DTNA: variants seen among roughly 807,000 people sequenced by gnomAD.
The protein encoded by DTNA is dystrophin-related protein 3.
In DTNA, 43 loss-of-function variants were observed where a neutral mutation model predicts 100.7. The ratio of observed to expected loss-of-function variants is 0.43; its 90% CI spans 0.33 to 0.55. The LOEUF is 0.55. Among genes scored for constraint, DTNA ranks in the 20% least tolerant of loss-of-function variants. DTNA has a pLI of 0.04. For synonymous variants in DTNA, 349 were observed against 347.9 expected (o/e 1.00, Z -0.04); for missense variants, 798 against 953.9 (o/e 0.84, Z 2.15).
intron 22 of DTNA, 74 bp from the exon 23 acceptor site, chr18:34,887,692 G>T (rs533694464): frequency 2.7e-5 from 26 of 980,140 alleles, no homozygotes; most frequent in Admixed American, 6.1e-5. Context: ...GGAAAGGGGG[G>T]ATCCTAAGTT....
At chr18:34,519,058 G>T (rs1018642866) in intron 1 of DTNA, among the ~76,000 whole-genome samples, 10 of 151,930 alleles carry the variant, frequency 6.6e-5, no homozygotes, top group African/African-American at 9.7e-5. Flanking sequence ...TTAGTGAGAA[G>T]GAAGAGTCAA....
chr18:34,765,290 GT>G (rs936340583), intron 2 of DTNA, among the ~76,000 whole-genome samples: 6 of 152,262 alleles, frequency 3.9e-5, no homozygotes, highest in African/African-American at 1.4e-4. Context: ...AAGAAAGGTT[GT>G]TTTAGAAAGG....
At chr18:34,629,192 A>T (rs1218561740) in intron 1 of DTNA, among the ~76,000 whole-genome samples, 1 of 152,166 alleles carries the variant, frequency 6.6e-6, no homozygotes, top group Non-Finnish European at 1.5e-5. Flanking sequence ...CAATTAAAAC[A>T]CAAAAAAGCT....
rs148901335 is a variant in DTNA, at chr18:34,757,936, C to T, written c.67+1893C>T. ...TGTTGGCAAAAACAGCTAAATACGT[C>T]TGACCTTAATAATTCATTAGTTTGA... is the stretch of plus-strand genomic sequence containing the variant. On this transcript the variant is annotated intron_variant, in intron 2 of 22. Transcript: ENST00000444659. Among the ~76,000 whole-genome samples, 1,453 of 152,324 alleles carry T rather than the reference C, an allele frequency of 9.5e-3. 14 individuals are homozygous for T. The highest frequency in any genetic ancestry group is 0.016 in the Non-Finnish European group (1,055 of 68,034).
intron 1 of DTNA, among the ~76,000 whole-genome samples, chr18:34,646,801 C>T (rs905454703): frequency 1.3e-5 from 2 of 151,948 alleles, no homozygotes; most frequent in South Asian, 2.1e-4. Flanking sequence ...CTGCAACCTC[C>T]GCCTCCCGGA....
chr18:34,517,602 C>T (rs2041773514), intron 1 of DTNA, among the ~76,000 whole-genome samples: 1 of 151,808 alleles, frequency 6.6e-6, no homozygotes, highest in South Asian at 2.1e-4. Context: ...ATTTCTCTTC[C>T]CCTCTCCATC....
chr18:34,863,915 T>A, intron 16 of DTNA, 51 bp from the exon 17 acceptor site: 3 of 1,537,316 alleles, frequency 2.0e-6, no homozygotes, highest in Non-Finnish European at 2.7e-6. Context: ...GGAAATGTGA[T>A]TAGCTCAGAG....
intron 1 of DTNA, among the ~76,000 whole-genome samples, chr18:34,654,228 G>T (rs2074029799): frequency 6.6e-6 from 1 of 152,174 alleles, no homozygotes; most frequent in African/African-American, 2.4e-5. Flanking sequence ...AAATTGGCAG[G>T]AAGACTTTCA....
Position 34,890,521 on chromosome 18 carries a change from A to G in DTNA, c.*2787A>G. On this transcript the variant is annotated 3_prime_UTR_variant, in exon 23 of 23. Transcript: ENST00000444659. ...GGGGGTTGTTTCTTTCTTGTTCCAC[A>G]ATGAATTGCACATCCATCTCCATCA... The G allele has an allele frequency of 3.3e-6, 5 of 1,525,430 alleles. No homozygotes were observed. Among genetic ancestry groups the G allele is most frequent in the Non-Finnish European group, 4.4e-6 (5 of 1,139,418 alleles). The allele number at this position is 1,525,430 out of a possible 1,614,324, so 94.5% of individuals were successfully genotyped here.
chr18:34,866,291 G>A (rs1201588246), intron 17 of DTNA: 1 of 1,520,260 alleles, frequency 6.6e-7, no homozygotes, highest in Non-Finnish European at 8.8e-7. Flanking sequence ...TGCTTGAATT[G>A]AGATATATAA....
intron 1 of DTNA, among the ~76,000 whole-genome samples, chr18:34,511,021 A>G (rs2041027955): frequency 1.3e-5 from 2 of 152,048 alleles, no homozygotes; most frequent in South Asian, 4.1e-4. Flanking sequence ...CCATGGATTT[A>G]TCCTCATTTA....
At chr18:34,557,615 G>C (rs2146126396) in intron 1 of DTNA, among the ~76,000 whole-genome samples, 1 of 151,594 alleles carries the variant, frequency 6.6e-6, no homozygotes, top group African/African-American at 2.4e-5. Flanking sequence ...AGGTCTGTTG[G>C]AATACCCTGC....
chr18:34,535,707 A>G (rs573299618), intron 1 of DTNA, among the ~76,000 whole-genome samples: 54 of 152,234 alleles, frequency 3.5e-4, no homozygotes, highest in African/African-American at 1.2e-3. Flanking sequence ...AGTTTTCTGC[A>G]TATGGCTAGC....
At chr18:34,884,441 C>T (rs767355998) in intron 21 of DTNA, among the ~76,000 whole-genome samples, 7 of 152,126 alleles carry the variant, frequency 4.6e-5, no homozygotes, top group Non-Finnish European at 8.8e-5. Context: ...CTTTCTTTTC[C>T]GTGCCTCATG....
intron 1 of DTNA, among the ~76,000 whole-genome samples, chr18:34,654,414 C>A (rs1414156456): frequency 6.6e-6 from 1 of 152,108 alleles, no homozygotes; most frequent in Non-Finnish European, 1.5e-5. Context: ...TAAGTAAGCT[C>A]TATTATTACC....
At chr18:34,574,152 C>T (rs1385286570) in intron 1 of DTNA, 4 of 152,402 alleles carry the variant, frequency 2.6e-5, no homozygotes, top group African/African-American at 9.6e-5. Context: ...ACATAGCCCC[C>T]TTTTCATCTG....
intron 3 of DTNA, among the ~76,000 whole-genome samples, chr18:34,769,724 G>GTTTTTTTTTTTTTTTTTTTT (rs1264439291): frequency 7.2e-5 from 3 of 41,412 alleles, no homozygotes; most frequent in Admixed American, 7.5e-4. Flanking sequence ...GCCCTCTGGG[G>GTTTTTTTTTTTTTTTTTTTT]CTTTTTTTTT....
chr18:34,848,939 G>A (rs901724498), intron 14 of DTNA, among the ~76,000 whole-genome samples: 8 of 152,210 alleles, frequency 5.3e-5, no homozygotes, highest in Non-Finnish European at 1.2e-4. Flanking sequence ...TGAGGAAGCT[G>A]TTGCCTGCAC....
At chr18:34,670,920 A>T (rs934195520) in intron 1 of DTNA, among the ~76,000 whole-genome samples, 15 of 152,164 alleles carry the variant, frequency 9.9e-5, no homozygotes, top group African/African-American at 3.6e-4. Context: ...CAAACTCTGT[A>T]CTGGGAGAAC....
Sources: allele counts gnomAD v4.1 joint callset (sites outside exome capture counted in the v4.1 genomes callset), GRCh38; gene constraint gnomAD v4.1.1; transcripts MANE v1.5; gene names NCBI Gene and HGNC (gene_info 2026-07-23, HGNC 2026-07-21).